SRL: variants seen among roughly 807,000 people sequenced by gnomAD.
The protein encoded by SRL is sarcalumenin.
In SRL, 23 loss-of-function variants were observed where a neutral mutation model predicts 39.5. The ratio of observed to expected loss-of-function variants is 0.58; its 90% CI spans 0.42 to 0.82. The LOEUF is 0.82. Ranked by LOEUF, SRL falls within the 40% of genes least tolerant of loss-of-function variation. The pLI, the probability that SRL is intolerant of heterozygous loss-of-function variation, is 0.00. For synonymous variants in SRL, 272 were observed against 237.4 expected (o/e 1.15, Z -1.34); for missense variants, 592 against 607.8 (o/e 0.97, Z 0.27).
At chr16:4,223,741 C>A (rs1055883228) in intron 1 of SRL, among the ~76,000 whole-genome samples, 1 of 152,056 alleles carries the variant, frequency 6.6e-6, no homozygotes, top group Non-Finnish European at 1.5e-5. Flanking sequence ...CACTAACATC[C>A]GAGAACCACC....
intron 1 of SRL, among the ~76,000 whole-genome samples, chr16:4,227,332 G>T (rs531256308): frequency 6.6e-6 from 1 of 151,940 alleles, no homozygotes; most frequent in African/African-American, 2.4e-5. Flanking sequence ...TGGATAGATG[G>T]GTGGATGGAC....
At chr16:4,200,486 A>C (rs1406412291) in intron 3 of SRL, among the ~76,000 whole-genome samples, 1 of 152,166 alleles carries the variant, frequency 6.6e-6, no homozygotes, top group Non-Finnish European at 1.5e-5. Context: ...AGAGACTAGG[A>C]GTTAAGAACC....
intron 1 of SRL, among the ~76,000 whole-genome samples, chr16:4,210,961 G>C (rs941225177): frequency 2.0e-5 from 3 of 152,104 alleles, no homozygotes; most frequent in Admixed American, 2.0e-4. Context: ...ATCAGAATCT[G>C]CATTTTAACA....
Position 4,192,930 on chromosome 16 carries a change from G to A in SRL, c.645C>T (p.Ile215=), listed in dbSNP as rs550013235. The A allele has an allele frequency of 2.9e-5, 47 of 1,613,266 alleles. 1 individual carries two copies. The South Asian group carries it at 4.1e-4, about 14-fold the overall frequency. Residue 215 remains isoleucine (I), a synonymous_variant, in exon 6 of 6, where the codon ATC becomes ATT. Transcript: ENST00000399609. This position sits in a 1 kb window ranked among gnomAD's most constrained non-coding sequence, Gnocchi z 4.0. The stretch of plus-strand genomic sequence containing the variant: ...CGACAAAGATGAGGTCAGCTCTGTC[G>A]ATGAACCACTGGCACACGTCGTTGA... ...YPFNDVCQWF[I]DRADLIFVVF...
chr16:4,239,122 T>C (rs1223011064), intron 1 of SRL, among the ~76,000 whole-genome samples: 2 of 152,312 alleles, frequency 1.3e-5, no homozygotes, highest in South Asian at 4.1e-4. Flanking sequence ...TCAGCAGCCC[T>C]GCCACAGCTA....
chr16:4,238,411 G>T (rs958241369), intron 1 of SRL, among the ~76,000 whole-genome samples: 5 of 152,100 alleles, frequency 3.3e-5, no homozygotes, highest in Admixed American at 6.6e-5. Context: ...ACCCAAGCAG[G>T]CATCAAACGG....
chr16:4,200,129 C>T (rs532526710), intron 3 of SRL, among the ~76,000 whole-genome samples: 41 of 152,350 alleles, frequency 2.7e-4, no homozygotes, highest in African/African-American at 9.1e-4. Context: ...GGCACATGTA[C>T]GTTGCCTGAA....
chr16:4,238,088 G>A (rs1414449333), intron 1 of SRL, among the ~76,000 whole-genome samples: 1 of 152,242 alleles, frequency 6.6e-6, no homozygotes, highest in Non-Finnish European at 1.5e-5. Context: ...GTTCACGAAT[G>A]ATGGAACACG....
At chr16:4,212,070 C>T (rs927534795) in intron 1 of SRL, among the ~76,000 whole-genome samples, 2 of 152,204 alleles carry the variant, frequency 1.3e-5, no homozygotes, top group Non-Finnish European at 2.9e-5. Context: ...GTGACCATGA[C>T]CTTCACACTG....
intron 1 of SRL, among the ~76,000 whole-genome samples, chr16:4,211,546 C>T (rs1017070527): frequency 3.4e-5 from 3 of 89,004 alleles, no homozygotes; most frequent in Admixed American, 1.1e-4. Context: ...TGGTGATGAC[C>T]GTGCCGATGA....
At chr16:4,215,509 C>T (rs183405128) in intron 1 of SRL, among the ~76,000 whole-genome samples, 14 of 152,284 alleles carry the variant, frequency 9.2e-5, no homozygotes, top group Admixed American at 8.5e-4. Flanking sequence ...AACAAAACCC[C>T]AAAACCCTGG....
At chr16:4,197,413 T>A (rs1373755835) in intron 4 of SRL, among the ~76,000 whole-genome samples, 3 of 121,446 alleles carry the variant, frequency 2.5e-5, no homozygotes, top group African/African-American at 3.5e-5. Context: ...TGGCATAACT[T>A]TTCTTTCCTT....
At chr16:4,241,839 T>C (rs1181229276) in intron 1 of SRL, among the ~76,000 whole-genome samples, 168 bp downstream of exon 1, 1 of 152,204 alleles carries the variant, frequency 6.6e-6, no homozygotes, top group East Asian at 1.9e-4. Context: ...CACCCAGCTC[T>C]TTCTCTGAGG....
rs188807173 is a variant in SRL at position 4,226,305 on chromosome 16, G to C, written c.61+15702C>G. Among the ~76,000 whole-genome samples, 110 of 152,352 alleles carry C rather than the reference G, an allele frequency of 7.2e-4. 1 individual carries two copies. The East Asian group carries it at 0.018, about 25-fold the overall frequency. ...GGGTGGATGAACGAATGGACAGCTG[G>C]ATGGATGAATGAATGGAAGGATGGA... On this transcript the variant is annotated intron_variant, in intron 1 of 5. Transcript: ENST00000399609.
chr16:4,224,922 G>A (rs868193172), intron 1 of SRL, among the ~76,000 whole-genome samples: 3 of 152,292 alleles, frequency 2.0e-5, no homozygotes, highest in African/African-American at 7.2e-5. Flanking sequence ...GGAAAGGGGT[G>A]GAGCGCTTCC....
Position 4,192,683 on chromosome 16 carries a change from ACTCTTGTGG to A in SRL, c.883_891del (p.Pro295_Glu297del), listed in dbSNP as rs1276312480. Reference sequence around the variant, plus strand: ...AGTTCCTGATGGGTGTCCGGCTTATACTCTTGTGGCCAGAAGGAGCTGACGTAAACCCTT... The same window carrying A: ...AGTTCCTGATGGGTGTCCGGCTTATACCAGAAGGAGCTGACGTAAACCCTT... On this transcript the variant is annotated inframe_deletion, in exon 6 of 6. Coordinates refer to ENST00000399609, the MANE Select transcript of SRL (RefSeq NM_001098814.2). The surrounding 1 kb of genome is among the most constrained non-coding windows in gnomAD (Gnocchi z 4.0). The A allele has an allele frequency of 6.2e-7, 1 of 1,613,756 alleles. No homozygotes were observed. Among genetic ancestry groups the A allele is most frequent in the East Asian group, 2.2e-5 (1 of 44,854 alleles).
chr16:4,203,339 C>G, intron 2 of SRL, 78 bp from the exon 3 acceptor site: 1 of 1,192,060 alleles, frequency 8.4e-7, no homozygotes, highest in East Asian at 2.3e-5. Flanking sequence ...AGGGGCCTCA[C>G]CACCCAGGGC....
chr16:4,203,027 A>G, intron 3 of SRL, 139 bp downstream of exon 3: 1 of 734,114 alleles, frequency 1.4e-6, no homozygotes, highest in Non-Finnish European at 2.3e-6. Context: ...CAGACCCACA[A>G]GTCCTTGCAC....
intron 1 of SRL, among the ~76,000 whole-genome samples, chr16:4,228,816 C>T (rs2052627276): frequency 6.6e-6 from 1 of 152,080 alleles, no homozygotes; most frequent in Non-Finnish European, 1.5e-5. Flanking sequence ...GGGGACCAGT[C>T]TCCTCACTCT....
Sources: gnomAD v4.1 joint callset for allele counts (sites outside exome capture counted in the v4.1 genomes callset) on GRCh38, gnomAD v4.1.1 for gene constraint, Gnocchi (gnomAD v3.1) non-coding constraint, MANE v1.5 for transcripts, NCBI Gene and HGNC (gene_info 2026-07-23, HGNC 2026-07-21) for gene names.